The following CNTNAP3 variants were observed in gnomAD, a reference collection of about 807,000 sequenced individuals.
The protein encoded by CNTNAP3 is contactin associated protein family member 3.
In CNTNAP3, 36 loss-of-function variants were observed where a neutral mutation model predicts 92.1. The ratio of observed to expected loss-of-function variants is 0.39; its 90% CI spans 0.30 to 0.52. The LOEUF is 0.52. Ranked by LOEUF, CNTNAP3 falls within the 20% of genes least tolerant of loss-of-function variation. The pLI, the probability that CNTNAP3 is intolerant of heterozygous loss-of-function variation, is 0.76. For missense variants in CNTNAP3, 534 were observed against 1,069.6 expected (o/e 0.50, Z 6.98); for synonymous variants, 232 against 422.3 (o/e 0.55, Z 5.53).
Position 39,103,447 on chromosome 9 carries a change from T to C in CNTNAP3, c.2536+297A>G, listed in dbSNP as rs370977752. ...AAATACAAAAATTAGCTGGGCACGG[T>C]GGTGCCTGCCTATAGTCCCAGCTAC... On this transcript the variant is annotated intron_variant, in intron 16 of 23. Transcript: ENST00000297668. Among the ~76,000 whole-genome samples the C allele has an allele frequency of 2.6e-5, 4 of 152,046 alleles. No homozygotes were observed. In the South Asian group the frequency reaches 8.3e-4, roughly 32 times the overall value.
At chr9:39,104,997 T>C (rs1275181624) in intron 15 of CNTNAP3, among the ~76,000 whole-genome samples, 3 of 152,216 alleles carry the variant, frequency 2.0e-5, no homozygotes, top group Non-Finnish European at 4.4e-5. Flanking sequence ...TTTACCCAGT[T>C]AAAAATTTCT....
At chr9:39,117,195 T>C (rs989300085) in intron 14 of CNTNAP3, among the ~76,000 whole-genome samples, 4 of 152,094 alleles carry the variant, frequency 2.6e-5, no homozygotes, top group African/African-American at 9.7e-5. Flanking sequence ...TTTTGCCACA[T>C]TGGCCAGGCT....
intron 20 of CNTNAP3, 142 bp downstream of exon 20, chr9:39,086,574 C>G: frequency 1.9e-6 from 2 of 1,054,138 alleles, no homozygotes; most frequent in East Asian, 5.6e-5. Flanking sequence ...AGATCCTGGC[C>G]ATATTTGGCT....
chr9:39,108,195 T>C (rs1564075125), intron 15 of CNTNAP3, among the ~76,000 whole-genome samples: 4 of 151,844 alleles, frequency 2.6e-5, no homozygotes, highest in African/African-American at 9.7e-5. Flanking sequence ...ACACACACAG[T>C]GGGTAGGTCT....
At chr9:39,179,286 T>TACACACACACACACACACACACAC (rs4057871) in intron 4 of CNTNAP3, among the ~76,000 whole-genome samples, 4 of 80,756 alleles carry the variant, frequency 5.0e-5, no homozygotes, top group Admixed American at 1.3e-4. Flanking sequence ...TCTCTCTCTC[T>TACACACACACACACACACACACAC]ACACACACAC....
intron 18 of CNTNAP3, 96 bp downstream of exon 18, chr9:39,099,815 T>C (rs1163327550): frequency 1.3e-6 from 2 of 1,499,004 alleles, no homozygotes; most frequent in African/African-American, 2.8e-5. Flanking sequence ...TAATTCAATC[T>C]TATCCTCTCT....
intron 19 of CNTNAP3, among the ~76,000 whole-genome samples, chr9:39,087,198 G>A (rs923094324): frequency 1.3e-4 from 20 of 152,284 alleles, no homozygotes; most frequent in African/African-American, 4.6e-4. Flanking sequence ...ATGAAATGAT[G>A]AAACTCTATG....
chr9:39,131,187 T>G (rs1176704252), intron 13 of CNTNAP3, among the ~76,000 whole-genome samples: 1 of 151,434 alleles, frequency 6.6e-6, no homozygotes, highest in Admixed American at 6.6e-5. Flanking sequence ...AATAATTAAG[T>G]TTTGTAATGC....
Position 39,084,403 on chromosome 9 carries a change from C to T in CNTNAP3, c.3442+1333G>A, listed in dbSNP as rs558849609. On this transcript the variant is annotated intron_variant, in intron 21 of 23. Transcript: ENST00000297668. ...TAGAGACGGGGTTTCACCGTGTTAG[C>T]CAGGATGGTCTGGATCTCCTGACCT... 1.7e-3 allele frequency among the ~76,000 whole-genome samples: 260 copies of T among 151,920 alleles called. 2 individuals carry two copies. The highest frequency in any genetic ancestry group is 6.1e-3 in the African/African-American group (253 of 41,416).
intron 15 of CNTNAP3, among the ~76,000 whole-genome samples, chr9:39,107,931 G>A (rs1018597866): frequency 1.3e-5 from 2 of 152,146 alleles, no homozygotes; most frequent in Non-Finnish European, 2.9e-5. Flanking sequence ...TTCTGGATAA[G>A]TTTTTGAAAT....
rs1411043342 is a variant in CNTNAP3 at position 39,238,497 on chromosome 9, C to T, written c.390+496G>A. The stretch of plus-strand genomic sequence containing the variant: ...CCAAGATTGTGCCACTGCACTCTAG[C>T]CTGGGTGATAACAGCGAAACTCTGT... On this transcript the variant is annotated intron_variant, in intron 3 of 23. Coordinates refer to ENST00000297668, the MANE Select transcript of CNTNAP3 (RefSeq NM_033655.5). Among the ~76,000 whole-genome samples, 10 of 3,720 alleles carry T rather than the reference C, an allele frequency of 2.7e-3. 5 individuals are homozygous for T. The highest frequency in any genetic ancestry group is 2.9e-3 in the African/African-American group (10 of 3,498). The allele number at this position is 3,720 out of a possible 152,430, so 2.4% of individuals were successfully genotyped here. A position where few individuals can be genotyped will look rare whatever the true frequency, so the allele number is the denominator to read the frequency against.
rs1410696048 is a variant in CNTNAP3 at position 39,133,041 on chromosome 9, G to A, written c.1971C>T (p.Phe657=). ...PSGHPRSAVS[F]AYAAGAGQLR... ...GCTGCCCCGCGCCCGCTGCGTACGC[G>A]AAGGACACAGCCGAGCGCGGGTGCC... The change falls in exon 13 of 24, where the codon TTC becomes TTT. Residue 657 remains phenylalanine, a synonymous_variant. Coordinates refer to ENST00000297668, the MANE Select transcript of CNTNAP3 (RefSeq NM_033655.5). The A allele has an allele frequency of 1.3e-6, 2 of 1,550,268 alleles. No homozygotes were observed. Among genetic ancestry groups the A allele is most frequent in the South Asian group, 1.2e-5 (1 of 85,312 alleles).
At chr9:39,081,900 A>T (rs959789781) in intron 21 of CNTNAP3, among the ~76,000 whole-genome samples, 10 of 142,138 alleles carry the variant, frequency 7.0e-5, no homozygotes, top group Admixed American at 5.5e-4. Context: ...AACACGGTGA[A>T]ACCCCATCTC....
At chr9:39,157,537 G>A (rs1821978408) in intron 9 of CNTNAP3, among the ~76,000 whole-genome samples, 2 of 111,298 alleles carry the variant, frequency 1.8e-5, no homozygotes, top group African/African-American at 6.3e-5. Flanking sequence ...TAGTAGAGAC[G>A]GGGTTTCACC....
chr9:39,108,348 G>A (rs910602400), intron 15 of CNTNAP3, among the ~76,000 whole-genome samples: 4 of 152,014 alleles, frequency 2.6e-5, no homozygotes, highest in Admixed American at 2.0e-4. Flanking sequence ...CTGCCTACAC[G>A]ACTGGCTACA....
Position 39,073,786 on chromosome 9 carries a change from C to T in CNTNAP3, c.*104G>A. ...CTGATGGCAACAGCAGGGAAGTCCA[C>T]AGTCACGATGATAGAGACAGCCACA... On this transcript the variant is annotated 3_prime_UTR_variant, in exon 24 of 24. Coordinates refer to ENST00000297668, the MANE Select transcript of CNTNAP3 (RefSeq NM_033655.5). The T allele has an allele frequency of 6.3e-7, 1 of 1,596,426 alleles. No homozygotes were observed. The highest frequency in any genetic ancestry group is 8.5e-7 in the Non-Finnish European group (1 of 1,179,716).
At chr9:39,096,923 T>A (rs1826339734) in intron 18 of CNTNAP3, among the ~76,000 whole-genome samples, 1 of 149,958 alleles carries the variant, frequency 6.7e-6, no homozygotes, top group African/African-American at 2.4e-5. Context: ...TTTTATTAAT[T>A]TGGGGGTGTT....
At chr9:39,143,375 T>A (rs1306836229) in intron 11 of CNTNAP3, among the ~76,000 whole-genome samples, 1 of 152,128 alleles carries the variant, frequency 6.6e-6, no homozygotes, top group Non-Finnish European at 1.5e-5. Flanking sequence ...AGTCTTTACT[T>A]GCAACAGGCT....
At chr9:39,098,429 T>G (rs1034865958) in intron 18 of CNTNAP3, among the ~76,000 whole-genome samples, 4 of 152,074 alleles carry the variant, frequency 2.6e-5, no homozygotes, top group African/African-American at 9.7e-5. Flanking sequence ...AGATCATTCT[T>G]ATTAGATTAG....
Sources: gnomAD v4.1 joint callset for allele counts (sites outside exome capture counted in the v4.1 genomes callset) on GRCh38, gnomAD v4.1.1 for gene constraint, MANE v1.5 for transcripts, NCBI Gene and HGNC (gene_info 2026-07-23, HGNC 2026-07-21) for gene names.